AMZ1: variants seen among roughly 807,000 people sequenced by gnomAD.
AMZ1 encodes the protein archaelysin family metallopeptidase 1, also known as archaemetzincin-1.
AMZ1 carries 39 observed loss-of-function variants against 29.9 expected under a neutral mutation model. The ratio of observed to expected loss-of-function variants is 1.30; its 90% confidence interval spans 1.01 to 1.70. AMZ1 has a LOEUF of 1.70. AMZ1 is among the 40% of genes most tolerant of loss of function. AMZ1 has a pLI of 0.00. For synonymous variants in AMZ1, 458 were observed against 304.0 expected, an observed-to-expected ratio of 1.51 and a Z score of -5.27; for missense variants, 1,041 against 680.6, an observed-to-expected ratio of 1.53 and a Z score of -5.89.
intron 3 of AMZ1, 104 bp from the exon 4 acceptor site, chr7:2,708,484 C>T: frequency 1.3e-6 from 2 of 1,530,216 alleles, no homozygotes; most frequent in Admixed American, 3.7e-5. Flanking sequence ...TGGGAAGGGG[C>T]AGGGCCCAGG....
chr7:2,690,223 G>C (rs1005153143), intron 1 of AMZ1, among the ~76,000 whole-genome samples: 4 of 150,428 alleles, frequency 2.7e-5, no homozygotes, highest in Admixed American at 2.0e-4. Context: ...GAGAGAGAGA[G>C]ACAGACAGAC....
chr7:2,732,388 A>G (rs566523323), intron 4 of AMZ1, among the ~76,000 whole-genome samples: 1 of 152,326 alleles, frequency 6.6e-6, no homozygotes, highest in South Asian at 2.1e-4. Flanking sequence ...ATTTACAAGA[A>G]GTAAAAACAT....
intron 5 of AMZ1, 68 bp downstream of exon 5, chr7:2,709,312 T>C: frequency 1.4e-6 from 2 of 1,399,420 alleles, no homozygotes; most frequent in Non-Finnish European, 1.9e-6. Flanking sequence ...GGTGCCTCGG[T>C]CTGTTACACT....
downstream of AMZ1, among the ~76,000 whole-genome samples, chr7:2,720,277 G>T (rs1789362606): frequency 6.6e-6 from 1 of 152,290 alleles, no homozygotes; most frequent in Non-Finnish European, 1.5e-5. Flanking sequence ...CCTGTCAAAT[G>T]AAGAGTCACT....
At chr7:2,681,033 C>G (rs143508640) in intron 1 of AMZ1, among the ~76,000 whole-genome samples, 1 of 152,206 alleles carries the variant, frequency 6.6e-6, no homozygotes, top group Non-Finnish European at 1.5e-5. Flanking sequence ...CGCTGAGCAC[C>G]GACTGTTTGC....
At chr7:2,736,389 A>T (rs1790177513) in intron 4 of AMZ1, among the ~76,000 whole-genome samples, 1 of 152,130 alleles carries the variant, frequency 6.6e-6, no homozygotes, top group Non-Finnish European at 1.5e-5. Context: ...AATGAAATGA[A>T]TTTCATTAGG....
intron 1 of AMZ1, among the ~76,000 whole-genome samples, chr7:2,689,679 C>A (rs551840074): frequency 6.8e-4 from 103 of 152,350 alleles, no homozygotes; most frequent in Non-Finnish European, 8.4e-4. Context: ...GTGGCACCTG[C>A]GGCTCCGTGT....
upstream of AMZ1, among the ~76,000 whole-genome samples, chr7:2,686,686 C>T (rs577228445): frequency 2.8e-4 from 42 of 151,772 alleles, 1 homozygote; most frequent in Non-Finnish European, 3.2e-4. Context: ...TTTTGCACAC[C>T]GGACACCTAG....
intron 4 of AMZ1, among the ~76,000 whole-genome samples, chr7:2,743,466 G>C (rs1048696572): frequency 6.6e-6 from 1 of 152,172 alleles, no homozygotes. Flanking sequence ...GCTTGACACA[G>C]ACTTTAAAGC....
intron 4 of AMZ1, among the ~76,000 whole-genome samples, chr7:2,753,213 G>A (rs768734548): frequency 7.2e-5 from 11 of 152,084 alleles, no homozygotes; most frequent in Non-Finnish European, 1.3e-4. Context: ...GGAATGCAGC[G>A]GCATGATCAT....
At position 2,713,056 on chromosome 7, in the gene AMZ1, G is replaced by A. The variant is rs1488462796; in HGVS notation, c.*178G>A. On this transcript the variant is annotated 3_prime_UTR_variant, in exon 7 of 7. Transcript: ENST00000683327. ...AGTTTGAGACCAGACTGGGCAACAT[G>A]GTGAGACTCTGCCTCTACAAAAGAA... is the stretch of plus-strand genomic sequence containing the variant. The A allele has an allele frequency of 1.7e-6, 1 of 579,212 alleles. No homozygotes were observed. Among genetic ancestry groups the A allele is most frequent in the Non-Finnish European group, 2.7e-6 (1 of 370,128 alleles). 35.9% of individuals were successfully genotyped at this position (579,212 alleles called of 1,614,324 possible).
chr7:2,702,658 C>A (rs1043142247), intron 2 of AMZ1, 64 bp from the exon 3 acceptor site: 4 of 1,468,856 alleles, frequency 2.7e-6, no homozygotes, highest in Admixed American at 4.7e-5. Context: ...GCGAGTGATT[C>A]CCGGGGAGAG....
chr7:2,728,305 T>C (rs798533), intron 4 of AMZ1: 107,255 of 152,068 alleles, frequency 0.71, 38,192 homozygotes, highest in Non-Finnish European at 0.72. Context: ...CCAGAACCCC[T>C]AAATTAGTTA....
intron 1 of AMZ1, among the ~76,000 whole-genome samples, chr7:2,681,400 T>C (rs1288745897): frequency 6.6e-6 from 1 of 151,932 alleles, no homozygotes; most frequent in East Asian, 1.9e-4. Context: ...GCCTCCCAGG[T>C]GCATGCCACC....
At chr7:2,736,188 A>G (rs1360993727) in intron 4 of AMZ1, among the ~76,000 whole-genome samples, 1 of 152,202 alleles carries the variant, frequency 6.6e-6, no homozygotes, top group East Asian at 1.9e-4. Flanking sequence ...AGATGTCCAC[A>G]TGAAATTAAC....
intron 4 of AMZ1, among the ~76,000 whole-genome samples, chr7:2,736,034 A>G (rs945602560): frequency 3.3e-5 from 5 of 152,234 alleles, no homozygotes; most frequent in African/African-American, 1.2e-4. Context: ...TTGGGCACGC[A>G]GCCCACGGGA....
At chr7:2,741,286 T>G (rs1190291499) in intron 4 of AMZ1, among the ~76,000 whole-genome samples, 1 of 150,690 alleles carries the variant, frequency 6.6e-6, no homozygotes, top group Non-Finnish European at 1.5e-5. Flanking sequence ...GCCCAGGAGG[T>G]TGAGGATGCA....
intron 4 of AMZ1, among the ~76,000 whole-genome samples, chr7:2,744,157 G>C (rs1188627278): frequency 6.6e-6 from 1 of 152,244 alleles, no homozygotes; most frequent in Non-Finnish European, 1.5e-5. Flanking sequence ...CCGTCTGACA[G>C]CTTTGAAGAG....
downstream of AMZ1, among the ~76,000 whole-genome samples, chr7:2,721,505 A>C (rs1170454229): frequency 6.6e-6 from 1 of 152,172 alleles, no homozygotes; most frequent in African/African-American, 2.4e-5. Context: ...TCACGAGGTC[A>C]GGAGATCGAG....
Sources: gnomAD v4.1 joint callset for allele counts (sites outside exome capture counted in the v4.1 genomes callset) on GRCh38, gnomAD v4.1.1 for gene constraint, MANE v1.5 for transcripts, NCBI Gene and HGNC (gene_info 2026-07-23, HGNC 2026-07-21) for gene names.